The following ST6GALNAC3 variants were observed in gnomAD, a reference collection of about 807,000 sequenced individuals.
The protein encoded by ST6GALNAC3 is ST6 N-acetylgalactosaminide alpha-2,6-sialyltransferase 3, also known as alpha-N-acetylgalactosaminide alpha-2,6-sialyltransferase 3.
In ST6GALNAC3, 25 loss-of-function variants were observed where a neutral mutation model predicts 32.7. The ratio of observed to expected loss-of-function variants is 0.76; its 90% confidence interval spans 0.56 to 1.07. ST6GALNAC3 has a LOEUF of 1.07. ST6GALNAC3 is among the 50% of genes least tolerant of loss of function. The probability of loss-of-function intolerance (pLI) is 0.00; values close to 1 mark genes in which losing one functional copy is unlikely to be tolerated. For synonymous variants in ST6GALNAC3, 129 were observed against 133.1 expected, an observed-to-expected ratio of 0.97 and a Z score of 0.21; for missense variants, 355 against 382.4, an observed-to-expected ratio of 0.93 and a Z score of 0.60.
chr1:76,317,533 C>G (rs1378064478), intron 2 of ST6GALNAC3, among the ~76,000 whole-genome samples: 1 of 152,096 alleles, frequency 6.6e-6, no homozygotes. Context: ...CAGGTGATCA[C>G]CAAGCTGATC....
At chr1:76,535,805 T>C (rs981824243) in intron 3 of ST6GALNAC3, among the ~76,000 whole-genome samples, 2 of 145,028 alleles carry the variant, frequency 1.4e-5, no homozygotes, top group Non-Finnish European at 3.0e-5. Context: ...TGTTTGTTGC[T>C]ATAAGGCTAT....
chr1:76,120,307 A>C (rs2100833887), intron 1 of ST6GALNAC3, among the ~76,000 whole-genome samples: 1 of 152,194 alleles, frequency 6.6e-6, no homozygotes, highest in South Asian at 2.1e-4. Flanking sequence ...TGTTTCCTTG[A>C]GAATTGTGGC....
intron 1 of ST6GALNAC3, among the ~76,000 whole-genome samples, chr1:76,273,661 C>G (rs1658977130): frequency 6.6e-6 from 1 of 152,062 alleles, no homozygotes; most frequent in African/African-American, 2.4e-5. Flanking sequence ...GACAGCAGAC[C>G]TGTTTACATA....
At chr1:76,550,529 T>A (rs981549007) in intron 3 of ST6GALNAC3, among the ~76,000 whole-genome samples, 1 of 152,148 alleles carries the variant, frequency 6.6e-6, no homozygotes, top group East Asian at 1.9e-4. Context: ...GTACTACTCC[T>A]TGATTATTCC....
At chr1:76,356,263 A>T (rs935149647) in intron 2 of ST6GALNAC3, among the ~76,000 whole-genome samples, 8 of 152,114 alleles carry the variant, frequency 5.3e-5, no homozygotes, top group African/African-American at 1.9e-4. Flanking sequence ...TACTGGACTC[A>T]TGATGTTGCC....
chr1:76,519,490 A>G (rs1366796464), intron 3 of ST6GALNAC3, among the ~76,000 whole-genome samples: 2 of 152,154 alleles, frequency 1.3e-5, no homozygotes, highest in Non-Finnish European at 1.5e-5. Flanking sequence ...TTGAAATGTG[A>G]GTAGTAGACT....
At position 76,634,254 on chromosome 1, in the gene ST6GALNAC3, T is replaced by A; in HGVS notation, c.*5448T>A. 1.3e-6 allele frequency: 1 copy of A among 759,502 alleles called. No homozygotes were observed. Among genetic ancestry groups the A allele is most frequent in the Non-Finnish European group, 1.6e-6 (1 of 623,764 alleles). The allele number at this position is 759,502 out of a possible 1,614,324, so 47.0% of individuals were successfully genotyped here. On this transcript the variant is annotated 3_prime_UTR_variant, in exon 5 of 5. Coordinates refer to ENST00000328299, the MANE Select transcript of ST6GALNAC3 (RefSeq NM_152996.4). ...CAAGTTCACATATTTGCCTATGAAG[T>A]GAGAGCTATTTCTAAGAAACTTCAA...
At chr1:76,248,071 C>G (rs2931460) in intron 1 of ST6GALNAC3, among the ~76,000 whole-genome samples, 1 of 152,154 alleles carries the variant, frequency 6.6e-6, no homozygotes, top group Non-Finnish European at 1.5e-5. Flanking sequence ...GGGAGGTCCT[C>G]TGGCTCCTTG....
intron 1 of ST6GALNAC3, among the ~76,000 whole-genome samples, chr1:76,098,178 C>G (rs983938209): frequency 1.3e-5 from 2 of 152,108 alleles, no homozygotes; most frequent in African/African-American, 4.8e-5. Flanking sequence ...TATTCACTTG[C>G]GTTTCTATGG....
Position 76,110,684 on chromosome 1 carries a change from T to A in ST6GALNAC3, c.18+35800T>A, listed in dbSNP as rs537864402. Among the ~76,000 whole-genome samples, 8 of 152,350 alleles carry A rather than the reference T, an allele frequency of 5.3e-5. No homozygotes were observed. The East Asian group carries it at 1.5e-3, about 29-fold the overall frequency. ...CAGATTGCAAGTGTCCACCAGTGGA[T>A]GGTCTTGGCACAACAAGGCTGCCTC... On this transcript the variant is annotated intron_variant, in intron 1 of 4. Transcript: ENST00000328299.
intron 1 of ST6GALNAC3, among the ~76,000 whole-genome samples, chr1:76,180,892 T>C (rs1290572374): frequency 6.6e-6 from 1 of 152,226 alleles, no homozygotes; most frequent in Non-Finnish European, 1.5e-5. Flanking sequence ...TCCAGGATGC[T>C]GGACAAGAGC....
chr1:76,438,780 C>T (rs1656346522), intron 3 of ST6GALNAC3, among the ~76,000 whole-genome samples: 1 of 152,176 alleles, frequency 6.6e-6, no homozygotes, highest in Non-Finnish European at 1.5e-5. Flanking sequence ...ACAAACCCTC[C>T]CTGCTATGCC....
intron 3 of ST6GALNAC3, among the ~76,000 whole-genome samples, chr1:76,533,611 A>T (rs1168296034): frequency 6.6e-6 from 1 of 151,854 alleles, no homozygotes; most frequent in Non-Finnish European, 1.5e-5. Flanking sequence ...CCTCCACTGC[A>T]CCTTTCCCTC....
chr1:76,481,860 G>A (rs1322928191), intron 3 of ST6GALNAC3, among the ~76,000 whole-genome samples: 1 of 152,038 alleles, frequency 6.6e-6, no homozygotes, highest in Non-Finnish European at 1.5e-5. Context: ...CTCCACTAGG[G>A]CCCATAATAG....
At chr1:76,588,900 A>T (rs1189193751) in intron 3 of ST6GALNAC3, among the ~76,000 whole-genome samples, 1 of 152,144 alleles carries the variant, frequency 6.6e-6, no homozygotes, top group Non-Finnish European at 1.5e-5. Context: ...TCCTGTTCTT[A>T]TATATCTTTG....
intron 1 of ST6GALNAC3, among the ~76,000 whole-genome samples, chr1:76,285,406 G>GTGTGTGTGTGTGTT (rs1290320049): frequency 1.3e-5 from 2 of 152,034 alleles, no homozygotes; most frequent in African/African-American, 4.8e-5. Context: ...GTGTGTGTGT[G>GTGTGTGTGTGTGTT]TGTGTACATG....
At chr1:76,527,215 A>G (rs558909628) in intron 3 of ST6GALNAC3, among the ~76,000 whole-genome samples, 70 of 152,236 alleles carry the variant, frequency 4.6e-4, no homozygotes, top group African/African-American at 1.6e-3. Flanking sequence ...TATATTGCAC[A>G]CAGAAAGCTT....
rs1649304991 is a variant in ST6GALNAC3 at position 76,631,658 on chromosome 1, T to G, written c.*2852T>G. 1 of 152,094 alleles carries G rather than the reference T, an allele frequency of 6.6e-6. No individual in the cohort carries two copies. The highest frequency in any genetic ancestry group is 2.4e-5 in the African/African-American group (1 of 41,422). The allele number at this position is 152,094 out of a possible 1,614,324, so 9.4% of individuals were successfully genotyped here. The stretch of plus-strand genomic sequence containing the variant: ...TAACTGAACTTACTTATCACTGATG[T>G]GTATTTATCCCAGAAATTAATTAAT... On this transcript the variant is annotated 3_prime_UTR_variant, in exon 5 of 5. Transcript: ENST00000328299.
chr1:76,383,129 A>T (rs1395518945), intron 2 of ST6GALNAC3, among the ~76,000 whole-genome samples: 1 of 152,226 alleles, frequency 6.6e-6, no homozygotes, highest in Non-Finnish European at 1.5e-5. Flanking sequence ...TCTTCAAAGT[A>T]CTGAAAGGAA....
Sources: gnomAD v4.1 joint callset for allele counts (sites outside exome capture counted in the v4.1 genomes callset) on GRCh38, gnomAD v4.1.1 for gene constraint, MANE v1.5 for transcripts, NCBI Gene and HGNC (gene_info 2026-07-23, HGNC 2026-07-21) for gene names.